Variants in OXR1 observed in about 807,000 individuals in gnomAD.
The protein encoded by OXR1 is oxidation resistance protein 1.
A neutral mutation model predicts 104.6 loss-of-function variants in OXR1; 41 were observed. The observed-to-expected ratio is 0.39, with a 90% confidence interval of 0.31 to 0.51. The LOEUF (loss-of-function observed/expected upper bound fraction) is 0.51. Among genes scored for constraint, OXR1 ranks in the 20% least tolerant of loss-of-function variants. The pLI, the probability that OXR1 is intolerant of heterozygous loss-of-function variation, is 0.77. For synonymous variants in OXR1, 348 were observed against 348.4 expected, an observed-to-expected ratio of 1.00 and a Z score of 0.01; for missense variants, 955 against 1,031.9, an observed-to-expected ratio of 0.93 and a Z score of 1.02.
intron 2 of OXR1, among the ~76,000 whole-genome samples, chr8:106,416,612 A>C (rs1484160444): frequency 6.6e-6 from 1 of 152,082 alleles, no homozygotes; most frequent in Non-Finnish European, 1.5e-5. Flanking sequence ...AGCAAAGTGA[A>C]TACCATAGTG....
chr8:106,638,476 T>C (rs1002480965), intron 3 of OXR1, among the ~76,000 whole-genome samples: 1 of 152,212 alleles, frequency 6.6e-6, no homozygotes, highest in African/African-American at 2.4e-5. Flanking sequence ...TTGCTGAGCC[T>C]CATCTATCCT....
At chr8:106,316,717 C>CTATCTATCTATCTATCATCTATCT (rs147531007) in intron 1 of OXR1, among the ~76,000 whole-genome samples, 9 of 118,638 alleles carry the variant, frequency 7.6e-5, no homozygotes, top group African/African-American at 1.5e-4. Flanking sequence ...ATCTATCTAT[C>CTATCTATCTATCTATCATCTATCT]ATCTATCTAT....
intron 10 of OXR1, among the ~76,000 whole-genome samples, chr8:106,712,940 T>C (rs1174794762): frequency 6.6e-6 from 1 of 152,018 alleles, no homozygotes; most frequent in Non-Finnish European, 1.5e-5. Context: ...TCTTGGTTAA[T>C]ATTCATTACA....
chr8:106,351,090 G>T (rs372976698), intron 1 of OXR1, among the ~76,000 whole-genome samples: 2 of 152,212 alleles, frequency 1.3e-5, no homozygotes, highest in East Asian at 3.9e-4. Flanking sequence ...TTAAAGAAAT[G>T]GTATTTTGAT....
At chr8:106,549,028 G>T (rs1815592274) in intron 3 of OXR1, among the ~76,000 whole-genome samples, 2 of 152,086 alleles carry the variant, frequency 1.3e-5, no homozygotes, top group South Asian at 4.2e-4. Flanking sequence ...AAGAAATTCT[G>T]TTGCCTGCAA....
chr8:106,735,580 G>C (rs1372852053), intron 11 of OXR1, among the ~76,000 whole-genome samples: 1 of 151,970 alleles, frequency 6.6e-6, no homozygotes, highest in Admixed American at 6.6e-5. Flanking sequence ...GTTAACTGGA[G>C]GGATAGAAGG....
intron 3 of OXR1, among the ~76,000 whole-genome samples, chr8:106,652,560 T>A (rs1025794692): frequency 6.6e-6 from 1 of 151,854 alleles, no homozygotes; most frequent in Non-Finnish European, 1.5e-5. Context: ...AAAATTACTT[T>A]GAGATAAATA....
intron 2 of OXR1, among the ~76,000 whole-genome samples, chr8:106,502,352 G>A (rs906652397): frequency 2.2e-4 from 33 of 152,252 alleles, no homozygotes; most frequent in Non-Finnish European, 3.8e-4. Flanking sequence ...AAATCTGTTC[G>A]TCTGCTATAA....
chr8:106,511,571 A>G (rs1812533362), intron 2 of OXR1, among the ~76,000 whole-genome samples: 1 of 146,004 alleles, frequency 6.8e-6, no homozygotes, highest in South Asian at 2.2e-4. Context: ...ACACACACAC[A>G]CTTGTGTGAA....
intron 2 of OXR1, among the ~76,000 whole-genome samples, chr8:106,384,968 G>A (rs1283890531): frequency 6.6e-6 from 1 of 152,072 alleles, no homozygotes; most frequent in East Asian, 1.9e-4. Flanking sequence ...GCCCACCTCA[G>A]CCTCCCAAAG....
intron 2 of OXR1, among the ~76,000 whole-genome samples, chr8:106,470,718 C>G (rs1051029634): frequency 6.6e-6 from 1 of 151,552 alleles, no homozygotes; most frequent in African/African-American, 2.4e-5. Flanking sequence ...CTGGGGCATC[C>G]AACATTAATA....
At chr8:106,658,265 C>G in intron 3 of OXR1, 1 of 1,223,226 alleles carries the variant, frequency 8.2e-7, no homozygotes, top group Non-Finnish European at 1.0e-6. Flanking sequence ...TGGCGCCGGG[C>G]GGGGGTCGCT....
chr8:106,531,737 T>G (rs182950776), intron 3 of OXR1, among the ~76,000 whole-genome samples: 220 of 152,300 alleles, frequency 1.4e-3, no homozygotes, highest in Middle Eastern at 6.8e-3. Context: ...CACAATAATA[T>G]TTACTCTAAG....
At chr8:106,526,683 C>A (rs563969398) in intron 3 of OXR1, among the ~76,000 whole-genome samples, 16 of 152,172 alleles carry the variant, frequency 1.1e-4, no homozygotes, top group Non-Finnish European at 2.4e-4. Flanking sequence ...GCTGGGACTA[C>A]AGGCGTCCGC....
At chr8:106,327,767 A>G (rs1308278787) in intron 1 of OXR1, among the ~76,000 whole-genome samples, 2 of 152,248 alleles carry the variant, frequency 1.3e-5, no homozygotes, top group Non-Finnish European at 2.9e-5. Context: ...TACTCATGCC[A>G]GAGGAATTGT....
rs532581854 is a variant in OXR1 at position 106,700,630 on chromosome 8, G to C, written c.676-2276G>C. ...CATGGTTTTGAGATGCTTTTCAAAT[G>C]ATTTGTATAGTTACAGTACTAGGAT... On this transcript the variant is annotated intron_variant, in intron 7 of 16. Coordinates refer to ENST00000517566, the MANE Select transcript of OXR1 (RefSeq NM_001198533.2). 2.0e-5 allele frequency among the ~76,000 whole-genome samples: 3 copies of C among 152,230 alleles called. No homozygotes were observed. The East Asian group carries it at 5.8e-4, about 29-fold the overall frequency.
At chr8:106,498,816 T>C (rs544285307) in intron 2 of OXR1, among the ~76,000 whole-genome samples, 43 of 152,346 alleles carry the variant, frequency 2.8e-4, no homozygotes, top group Middle Eastern at 6.8e-3. Context: ...GTTCATCTCA[T>C]CGTCTTATAT....
chr8:106,607,458 T>C (rs2130783098), intron 3 of OXR1, among the ~76,000 whole-genome samples: 1 of 152,312 alleles, frequency 6.6e-6, no homozygotes, highest in African/African-American at 2.4e-5. Flanking sequence ...TCAAGTAGCC[T>C]TCCTCACTGT....
intron 11 of OXR1, among the ~76,000 whole-genome samples, chr8:106,714,956 A>G (rs985475330): frequency 2.6e-5 from 4 of 152,104 alleles, no homozygotes; most frequent in African/African-American, 9.7e-5. Context: ...ACTCCAATAT[A>G]AGGGAGGGAA....
Sources: gnomAD v4.1 joint callset for allele counts (sites outside exome capture counted in the v4.1 genomes callset) on GRCh38, gnomAD v4.1.1 for gene constraint, MANE v1.5 for transcripts, NCBI Gene and HGNC (gene_info 2026-07-23, HGNC 2026-07-21) for gene names.